MLLT10: variants seen among roughly 807,000 people sequenced by gnomAD.
MLLT10 encodes protein AF-10.
Under a neutral mutation model 129.1 loss-of-function variants are expected in MLLT10, and 30 were observed. The ratio of observed to expected loss-of-function variants is 0.23; its 90% CI spans 0.17 to 0.32. The LOEUF (loss-of-function observed/expected upper bound fraction) is 0.32. MLLT10 is among the 10% of genes least tolerant of loss of function. The pLI is 1.00. For missense variants in MLLT10, 1,119 were observed against 1,268.3 expected (o/e 0.88, Z 1.79); for synonymous variants, 490 against 446.4 (o/e 1.10, Z -1.23).
In MLLT10 at chr10:21,663,967, T is replaced by C. The variant is rs563497004; in HGVS notation, c.796-6482T>C. On this transcript the variant is annotated intron_variant, in intron 9 of 22. Coordinates refer to ENST00000307729, the MANE Select transcript of MLLT10 (RefSeq NM_001195626.3). ...TTTTAGGGCAGAGCAAAGACTTCTC[T>C]CTGCTCCTTATATGCTCAACGAGAA... is the stretch of plus-strand genomic sequence containing the variant. Among the ~76,000 whole-genome samples the C allele has an allele frequency of 2.6e-5, 4 of 152,340 alleles. No homozygotes were observed. The South Asian group carries it at 8.3e-4, about 32-fold the overall frequency.
chr10:21,662,941 A>G (rs1164433394), intron 9 of MLLT10, among the ~76,000 whole-genome samples: 1 of 152,218 alleles, frequency 6.6e-6, no homozygotes, highest in East Asian at 1.9e-4. Flanking sequence ...CAAGTGGGAC[A>G]GGATGATGGT....
chr10:21,630,431 T>C (rs2131263704), intron 8 of MLLT10, among the ~76,000 whole-genome samples: 1 of 152,304 alleles, frequency 6.6e-6, no homozygotes, highest in African/African-American at 2.4e-5. Context: ...AGCTTCCAGG[T>C]GTTGGAAGAC....
At chr10:21,594,534 C>T (rs2042838080) in intron 4 of MLLT10, among the ~76,000 whole-genome samples, 1 of 109,386 alleles carries the variant, frequency 9.1e-6, no homozygotes, top group Non-Finnish European at 1.7e-5. Flanking sequence ...GCCTGGGCAA[C>T]AAGAGCGAAA....
At chr10:21,669,259 G>A (rs1406343417) in intron 9 of MLLT10, among the ~76,000 whole-genome samples, 1 of 152,108 alleles carries the variant, frequency 6.6e-6, no homozygotes, top group Non-Finnish European at 1.5e-5. Flanking sequence ...GCTGGGGATG[G>A]CAACAGGGTG....
At chr10:21,715,606 A>C (rs2056486715) in intron 14 of MLLT10, among the ~76,000 whole-genome samples, 1 of 152,228 alleles carries the variant, frequency 6.6e-6, no homozygotes, top group Non-Finnish European at 1.5e-5. Flanking sequence ...TCTTTATAAA[A>C]GTCTGTTTAA....
At chr10:21,614,635 TA>T (rs2045043697) in intron 6 of MLLT10, among the ~76,000 whole-genome samples, 195 bp from the exon 7 acceptor site, 2 of 152,160 alleles carry the variant, frequency 1.3e-5, no homozygotes, top group African/African-American at 4.8e-5. Context: ...AACATAACTT[TA>T]AAAAAAGATC....
chr10:21,552,114 A>G (rs1243335922), intron 3 of MLLT10, among the ~76,000 whole-genome samples: 2 of 151,890 alleles, frequency 1.3e-5, no homozygotes, highest in Non-Finnish European at 2.9e-5. Flanking sequence ...TTTTGTACGG[A>G]TGGGGTCTCA....
Position 21,624,911 on chromosome 10 carries a change from G to A in MLLT10, c.699+7704G>A, listed in dbSNP as rs115388402. ...CCAAAGGTGCCCCCTTTTGTGAATA[G>A]CCAGCTCTACCTCTTGGAGGTGGTG... is the stretch of plus-strand genomic sequence containing the variant. On this transcript the variant is annotated intron_variant, in intron 8 of 22. Transcript: ENST00000307729. 1.1e-3 allele frequency: 1,414 copies of A among 1,300,692 alleles called. 11 individuals carry two copies. The African/African-American group carries it at 0.018, about 17-fold the overall frequency. The allele number at this position is 1,300,692 out of a possible 1,614,324, so 80.6% of individuals were successfully genotyped here. A position where few individuals can be genotyped will look rare whatever the true frequency, so the allele number is the denominator to read the frequency against.
chr10:21,572,097 AATT>A lies in MLLT10; in HGVS notation c.241-14193_241-14191del, dbSNP rs566685524. On this transcript the variant is annotated intron_variant, in intron 3 of 22. Coordinates refer to ENST00000307729, the MANE Select transcript of MLLT10 (RefSeq NM_001195626.3). Reference sequence around the variant, plus strand: ...ATATTTAGGTCTGTGATGCATCTGAAATTATTTTTGTAGGTTTGAGTATTTTGC... The same window carrying A: ...ATATTTAGGTCTGTGATGCATCTGAAATTTTTGTAGGTTTGAGTATTTTGC... 303 of 152,194 alleles carry A rather than the reference AATT, an allele frequency of 2.0e-3. 4 individuals are homozygous for A. The highest frequency in any genetic ancestry group is 6.9e-3 in the African/African-American group (285 of 41,546). The allele number at this position is 152,194 out of a possible 1,614,324, so 9.4% of individuals were successfully genotyped here.
At chr10:21,643,172 A>G (rs916849698) in intron 8 of MLLT10, among the ~76,000 whole-genome samples, 2 of 152,120 alleles carry the variant, frequency 1.3e-5, no homozygotes, top group African/African-American at 4.8e-5. Context: ...AGCTGGGACT[A>G]CTGGCACATG....
chr10:21,568,848 C>T (rs1262816904), intron 3 of MLLT10, among the ~76,000 whole-genome samples: 1 of 152,136 alleles, frequency 6.6e-6, no homozygotes, highest in Non-Finnish European at 1.5e-5. Flanking sequence ...CTTGGTCAGG[C>T]TGGTCTTGAA....
chr10:21,594,484 C>T (rs187074690), intron 4 of MLLT10, among the ~76,000 whole-genome samples: 2 of 139,804 alleles, frequency 1.4e-5, no homozygotes, highest in East Asian at 2.2e-4. Flanking sequence ...ACCCAGGAGG[C>T]GGAGGTCGCG....
At chr10:21,578,545 A>G (rs2041033694) in intron 3 of MLLT10, among the ~76,000 whole-genome samples, 1 of 152,246 alleles carries the variant, frequency 6.6e-6, no homozygotes, top group Non-Finnish European at 1.5e-5. Flanking sequence ...ACCGAGTCCT[A>G]AAGACTTACC....
At chr10:21,575,730 A>C (rs760919076) in intron 3 of MLLT10, among the ~76,000 whole-genome samples, 9 of 152,154 alleles carry the variant, frequency 5.9e-5, no homozygotes, top group Non-Finnish European at 1.3e-4. Context: ...GGAGTGTTAA[A>C]ATATCTTACC....
intron 3 of MLLT10, among the ~76,000 whole-genome samples, chr10:21,573,565 TA>T (rs1200720465): frequency 1.3e-5 from 2 of 152,162 alleles, no homozygotes; most frequent in Non-Finnish European, 2.9e-5. Context: ...AATGTTACGC[TA>T]AATGCCATTT....
At chr10:21,544,247 C>T (rs995457261) in intron 3 of MLLT10, among the ~76,000 whole-genome samples, 1 of 152,208 alleles carries the variant, frequency 6.6e-6, no homozygotes, top group African/African-American at 2.4e-5. Flanking sequence ...ATGACGATAC[C>T]TCAGCTCCTG....
intron 11 of MLLT10, among the ~76,000 whole-genome samples, chr10:21,678,009 T>C (rs1018239298): frequency 6.6e-6 from 1 of 152,244 alleles, no homozygotes; most frequent in African/African-American, 2.4e-5. Context: ...GTGTATGTCA[T>C]GTGGTTAGAA....
At chr10:21,736,604 A>G (rs1018653249) in intron 21 of MLLT10, among the ~76,000 whole-genome samples, 3 of 152,220 alleles carry the variant, frequency 2.0e-5, no homozygotes, top group African/African-American at 7.2e-5. Context: ...GACAGAACCA[A>G]CAAGACTTGT....
chr10:21,706,866 T>C (rs1351604567), intron 13 of MLLT10, among the ~76,000 whole-genome samples: 1 of 152,204 alleles, frequency 6.6e-6, no homozygotes, highest in Admixed American at 6.5e-5. Flanking sequence ...TCACATCTAG[T>C]GGGCTGAAAA....
Sources: gnomAD v4.1 joint callset for allele counts (sites outside exome capture counted in the v4.1 genomes callset) on GRCh38, gnomAD v4.1.1 for gene constraint, MANE v1.5 for transcripts, NCBI Gene and HGNC (gene_info 2026-07-23, HGNC 2026-07-21) for gene names.